PDE4D: variants seen among roughly 807,000 people sequenced by gnomAD.
PDE4D encodes phosphodiesterase 4D, also known as 3',5'-cyclic-AMP phosphodiesterase 4D.
PDE4D carries 24 observed loss-of-function variants against 87.4 expected under a neutral mutation model. That is an observed-to-expected ratio of 0.27 (90% CI 0.20 to 0.39). The LOEUF is 0.39. Ranked by LOEUF, PDE4D falls within the 10% of genes least tolerant of loss-of-function variation. The pLI is 1.00. For missense variants in PDE4D, 714 were observed against 1,041.0 expected, an observed-to-expected ratio of 0.69 and a Z score of 4.32; for synonymous variants, 384 against 383.2, an observed-to-expected ratio of 1.00 and a Z score of -0.02.
At chr5:59,186,236 T>C (rs1302901582) in intron 3 of PDE4D, among the ~76,000 whole-genome samples, 1 of 152,164 alleles carries the variant, frequency 6.6e-6, no homozygotes, top group Non-Finnish European at 1.5e-5. Context: ...TGTTATGTAG[T>C]AAATGTGTGA....
At chr5:59,865,172 A>G (rs1231342123) in intron 1 of PDE4D, among the ~76,000 whole-genome samples, 1 of 152,216 alleles carries the variant, frequency 6.6e-6, no homozygotes, top group African/African-American at 2.4e-5. Flanking sequence ...TGATGCCCAA[A>G]CTAGGTGGCT....
intron 1 of PDE4D, among the ~76,000 whole-genome samples, chr5:60,238,353 A>T (rs576463658): frequency 5.3e-5 from 8 of 152,134 alleles, no homozygotes; most frequent in South Asian, 2.1e-4. Context: ...TGCTATTTCA[A>T]AATAATGCTA....
intron 5 of PDE4D, among the ~76,000 whole-genome samples, chr5:59,173,489 T>TTTTGTAAATC (rs1783341755): frequency 1.3e-5 from 2 of 152,250 alleles, no homozygotes; most frequent in Admixed American, 1.3e-4. Flanking sequence ...ACCGGAAGAT[T>TTTTGTAAATC]CTTTTTCAAT....
intron 1 of PDE4D, among the ~76,000 whole-genome samples, chr5:59,857,793 TA>T (rs1286537446): frequency 5.3e-5 from 8 of 151,042 alleles, no homozygotes; most frequent in South Asian, 4.2e-4. Flanking sequence ...ACTCATTAAC[TA>T]GATACTCAAA....
chr5:60,007,302 C>T (rs1046979624), intron 2 of PDE4D, among the ~76,000 whole-genome samples: 1 of 151,902 alleles, frequency 6.6e-6, no homozygotes, highest in African/African-American at 2.4e-5. Context: ...CTCAAGGCAA[C>T]GTGTGTTTTG....
intron 5 of PDE4D, among the ~76,000 whole-genome samples, chr5:59,158,011 A>G (rs1780504199): frequency 6.6e-6 from 1 of 152,196 alleles, no homozygotes; most frequent in Non-Finnish European, 1.5e-5. Context: ...GGGCTCTTCT[A>G]ACTCAAAAGA....
chr5:59,458,889 G>A (rs1582703359), intron 1 of PDE4D, among the ~76,000 whole-genome samples: 2 of 152,154 alleles, frequency 1.3e-5, no homozygotes, highest in East Asian at 1.9e-4. Flanking sequence ...TATTGGCAAT[G>A]CAAGAAGACA....
At chr5:60,263,124 G>A (rs768271576) in intron 1 of PDE4D, among the ~76,000 whole-genome samples, 13 of 152,154 alleles carry the variant, frequency 8.5e-5, no homozygotes, top group Non-Finnish European at 1.9e-4. Context: ...GCCCACCTGT[G>A]CTGCACCAAC....
chr5:59,190,137 G>T (rs1396248958), intron 3 of PDE4D, among the ~76,000 whole-genome samples: 1 of 152,168 alleles, frequency 6.6e-6, no homozygotes, highest in African/African-American at 2.4e-5. Flanking sequence ...CAGGCATAAA[G>T]AAATGAGTTC....
At chr5:59,315,117 C>T (rs1019043562) in intron 1 of PDE4D, among the ~76,000 whole-genome samples, 2 of 152,114 alleles carry the variant, frequency 1.3e-5, no homozygotes, top group African/African-American at 2.4e-5. Context: ...TTCTTGTTTT[C>T]CTTTTCGCCC....
intron 3 of PDE4D, 24 bp downstream of exon 3, chr5:59,193,476 G>A (rs776777122): frequency 6.2e-7 from 1 of 1,607,824 alleles, no homozygotes; most frequent in South Asian, 1.1e-5. Context: ...TGAGAAACCT[G>A]CCCATTCACC....
At chr5:60,049,599 C>G (rs1769821971) in intron 2 of PDE4D, among the ~76,000 whole-genome samples, 1 of 152,188 alleles carries the variant, frequency 6.6e-6, no homozygotes, top group African/African-American at 2.4e-5. Flanking sequence ...GGACCCTCAG[C>G]TGCAGGTCTG....
chr5:59,092,807 T>C (rs74814388), intron 5 of PDE4D, among the ~76,000 whole-genome samples: 2 of 152,196 alleles, frequency 1.3e-5, no homozygotes, highest in Non-Finnish European at 2.9e-5. Flanking sequence ...TGAGCACGCA[T>C]TGAGTTTTAT....
At chr5:59,630,557 C>T (rs148483351) in intron 1 of PDE4D, among the ~76,000 whole-genome samples, 2,736 of 152,248 alleles carry the variant, frequency 0.018, 80 homozygotes, top group African/African-American at 0.062. Context: ...GAGTGGATAG[C>T]CCATGATTTG....
intron 5 of PDE4D, chr5:59,039,217 G>C (rs891778388): frequency 7.8e-7 from 1 of 1,279,978 alleles, no homozygotes; most frequent in Non-Finnish European, 9.9e-7. Flanking sequence ...CTCCAGGGAG[G>C]GCGTGCAAAG....
At chr5:60,505,651 C>G (rs1209205217) in intron 1 of PDE4D, among the ~76,000 whole-genome samples, 1 of 152,166 alleles carries the variant, frequency 6.6e-6, no homozygotes, top group African/African-American at 2.4e-5. Context: ...GAAGCCAGAC[C>G]TTAGGTTTAT....
intron 1 of PDE4D, among the ~76,000 whole-genome samples, chr5:60,266,975 A>C (rs1455646053): frequency 6.6e-6 from 1 of 152,230 alleles, no homozygotes. Context: ...GTTTCTGCCC[A>C]GATTGTTCAG....
intron 1 of PDE4D, among the ~76,000 whole-genome samples, chr5:59,236,722 AACACCAC>A (rs1756519371): frequency 6.6e-6 from 1 of 152,052 alleles, no homozygotes; most frequent in Admixed American, 6.6e-5. Flanking sequence ...CCAGCTCTTC[AACACCAC>A]TTTCTACGCT....
At chr5:60,305,061 ACACAC>A (rs758492178) in intron 1 of PDE4D, among the ~76,000 whole-genome samples, 262 of 139,380 alleles carry the variant, frequency 1.9e-3, no homozygotes, top group Admixed American at 3.1e-3. Flanking sequence ...ACACACACAC[ACACAC>A]ACACAACACA....
Sources: gnomAD v4.1 joint callset for allele counts (sites outside exome capture counted in the v4.1 genomes callset) on GRCh38, gnomAD v4.1.1 for gene constraint, MANE v1.5 for transcripts, NCBI Gene and HGNC (gene_info 2026-07-23, HGNC 2026-07-21) for gene names.